The following WFS1 variants were observed in gnomAD, a reference collection of about 807,000 sequenced individuals.
The protein encoded by WFS1 is wolframin ER transmembrane glycoprotein.
Under a neutral mutation model 68.5 loss-of-function variants are expected in WFS1, and 90 were observed. That is an observed-to-expected ratio of 1.31 (90% CI 1.11 to 1.56). The LOEUF is 1.56. Among genes scored for constraint, WFS1 ranks in the 40% most tolerant of loss-of-function variants. The pLI is 0.00. For missense variants in WFS1, 1,767 were observed against 1,232.6 expected (o/e 1.43, Z -6.49); for synonymous variants, 860 against 540.7 (o/e 1.59, Z -8.19).
chr4:6,298,297 A>C (rs914087039), intron 7 of WFS1, among the ~76,000 whole-genome samples: 2 of 152,066 alleles, frequency 1.3e-5, no homozygotes, highest in Non-Finnish European at 2.9e-5. Context: ...CCCCAAACAA[A>C]CCCTGGAGTA....
chr4:6,291,411 C>T, intron 5 of WFS1, 44 bp downstream of exon 5: 1 of 1,604,140 alleles, frequency 6.2e-7, no homozygotes, highest in Non-Finnish European at 8.5e-7. Context: ...TGGGCGCCAG[C>T]CTTCCCACAG....
At chr4:6,272,428 C>T (rs1441481667) in intron 1 of WFS1, among the ~76,000 whole-genome samples, 2 of 152,212 alleles carry the variant, frequency 1.3e-5, no homozygotes, top group Non-Finnish European at 2.9e-5. Flanking sequence ...CTGGAATGTT[C>T]CTTGGTTTGT....
At chr4:6,291,496 C>T (rs955074343) in intron 5 of WFS1, 129 bp downstream of exon 5, 1 of 1,294,764 alleles carries the variant, frequency 7.7e-7, no homozygotes, top group Non-Finnish European at 1.1e-6. Context: ...GGGACCTTCC[C>T]TGTGAGGACA....
intron 2 of WFS1, among the ~76,000 whole-genome samples, chr4:6,281,863 G>T (rs763469162): frequency 6.6e-6 from 1 of 152,222 alleles, no homozygotes; most frequent in African/African-American, 2.4e-5. Context: ...CCACACTGAG[G>T]ACTGGCCACA....
chr4:6,270,335 C>T (rs949725626), intron 1 of WFS1, among the ~76,000 whole-genome samples: 1 of 151,360 alleles, frequency 6.6e-6, no homozygotes. Context: ...GCGGGCAGGC[C>T]CCCTCCCCGC....
At chr4:6,284,495 C>A (rs542321507) in intron 2 of WFS1, among the ~76,000 whole-genome samples, 2 of 152,184 alleles carry the variant, frequency 1.3e-5, no homozygotes, top group South Asian at 4.2e-4. Flanking sequence ...TTTAGACCAC[C>A]ATATAGACTT....
intron 7 of WFS1, among the ~76,000 whole-genome samples, chr4:6,299,134 C>T (rs1181493893): frequency 6.6e-6 from 1 of 152,256 alleles, no homozygotes. Context: ...CCATCCCCTC[C>T]AGTCCCTCTG....
intron 7 of WFS1, among the ~76,000 whole-genome samples, chr4:6,299,383 T>G (rs1467549532): frequency 2.0e-5 from 3 of 151,742 alleles, no homozygotes; most frequent in Non-Finnish European, 4.4e-5. Context: ...AGGCAGCCTT[T>G]GGCCTTGACT....
chr4:6,302,604 A>T lies in WFS1; in HGVS notation c.*136A>T. On this transcript the variant is annotated 3_prime_UTR_variant, in exon 8 of 8. Coordinates refer to ENST00000226760, the MANE Select transcript of WFS1 (RefSeq NM_006005.3). ...CTGTGGCTGCAGAGACCTTGCGACC[A>T]TGTGTAGATTGCGTGGACCCCGACA... 2 of 1,313,152 alleles carry T rather than the reference A, an allele frequency of 1.5e-6. No individual in the cohort carries two copies. Among genetic ancestry groups the T allele is most frequent in the Non-Finnish European group, 2.1e-6 (2 of 958,426 alleles). The allele number at this position is 1,313,152 out of a possible 1,614,324, so 81.3% of individuals were successfully genotyped here.
At position 6,277,670 on chromosome 4, in the gene WFS1, A is replaced by G; in HGVS notation, c.215A>G (p.Glu72Gly). 6.4e-7 allele frequency: 1 copy of G among 1,562,636 alleles called. No homozygotes were observed. The highest frequency in any genetic ancestry group is 8.7e-7 in the Non-Finnish European group (1 of 1,154,082). ...EPQAQHTRSR[E>G]RADGTGPTKG... ...CAGGCCCAGCATACCAGGAGCCGGGAAAGAGCAGACGGCACCGGTAAGGGA... is the reference window on the plus strand; with the variant it reads ...CAGGCCCAGCATACCAGGAGCCGGGGAAGAGCAGACGGCACCGGTAAGGGA... The change falls in exon 2 of 8, where the codon GAA becomes GGA. Residue 72 changes from glutamate to glycine, a missense_variant. Transcript: ENST00000226760.
intron 2 of WFS1, among the ~76,000 whole-genome samples, chr4:6,285,173 A>ACGTC (rs1300356524): frequency 6.5e-5 from 9 of 138,966 alleles, no homozygotes; most frequent in African/African-American, 1.0e-4. Flanking sequence ...AGGGAGAGTT[A>ACGTC]CATCCAGGGA....
In WFS1 at chr4:6,300,626, G is replaced by A. The variant is rs773080193; in HGVS notation, c.862-31G>A. ...TGGGAGCAGTGGGGGTCCTGTCCCAGCCTCGTTCCCACGTACCATCTTTCC... is the reference window on the plus strand; with the variant it reads ...TGGGAGCAGTGGGGGTCCTGTCCCAACCTCGTTCCCACGTACCATCTTTCC... On this transcript the variant is annotated intron_variant, in intron 7 of 7. Transcript: ENST00000226760. 100 of 1,613,608 alleles carry A rather than the reference G, an allele frequency of 6.2e-5. No homozygotes were observed. In the East Asian group the frequency reaches 1.2e-3, roughly 19 times the overall value.
intron 2 of WFS1, among the ~76,000 whole-genome samples, chr4:6,282,401 C>T (rs1730194993): frequency 6.6e-6 from 1 of 152,228 alleles, no homozygotes; most frequent in Admixed American, 6.5e-5. Context: ...CCCTTTGGCA[C>T]AGCCCCTTGT....
chr4:6,278,704 G>A (rs1396517394), intron 2 of WFS1, among the ~76,000 whole-genome samples: 1 of 152,224 alleles, frequency 6.6e-6, no homozygotes, highest in East Asian at 1.9e-4. Context: ...AGGCTCCCAT[G>A]TACCACTTAT....
chr4:6,300,385 GCAT>G (rs1223776799), intron 7 of WFS1, among the ~76,000 whole-genome samples: 1 of 152,070 alleles, frequency 6.6e-6, no homozygotes, highest in Non-Finnish European at 1.5e-5. Flanking sequence ...AAGCACACAT[GCAT>G]CTAGTCACGC....
intron 1 of WFS1, among the ~76,000 whole-genome samples, chr4:6,274,720 G>A (rs1055360585): frequency 2.6e-5 from 4 of 152,136 alleles, no homozygotes; most frequent in Non-Finnish European, 5.9e-5. Flanking sequence ...AAGGCATTCC[G>A]GGAAGAGGGC....
At chr4:6,291,679 A>G (rs1187662692) in intron 5 of WFS1, among the ~76,000 whole-genome samples, 1 of 152,204 alleles carries the variant, frequency 6.6e-6, no homozygotes, top group East Asian at 1.9e-4. Context: ...TACCAATGGG[A>G]CGGACTGTGT....
At chr4:6,277,930 C>A (rs1730047368) in intron 2 of WFS1, among the ~76,000 whole-genome samples, 1 of 152,272 alleles carries the variant, frequency 6.6e-6, no homozygotes, top group African/African-American at 2.4e-5. Flanking sequence ...TGCAGTCCTT[C>A]TCTTCCCAGG....
At position 6,271,738 on chromosome 4, in the gene WFS1, C is replaced by T. The variant is rs1578581015; in HGVS notation, c.-6+1724C>T. On this transcript the variant is annotated intron_variant, in intron 1 of 7. Coordinates refer to ENST00000226760, the MANE Select transcript of WFS1 (RefSeq NM_006005.3). ...CCCTCGCCTCTCCCTGGACGACCCC[C>T]AGGCTCCTCCCTGGTCCCGATCCGG... is the stretch of plus-strand genomic sequence containing the variant. Among the ~76,000 whole-genome samples, 3 of 152,338 alleles carry T rather than the reference C, an allele frequency of 2.0e-5. No homozygotes were observed. The Middle Eastern group carries it at 0.01, about 522-fold the overall frequency.
Sources: allele counts gnomAD v4.1 joint callset (sites outside exome capture counted in the v4.1 genomes callset), GRCh38; gene constraint gnomAD v4.1.1; transcripts MANE v1.5; gene names NCBI Gene and HGNC (gene_info 2026-07-23, HGNC 2026-07-21).